The following DYNC1H1 variants were observed in gnomAD, a reference collection of about 807,000 sequenced individuals.
The protein encoded by DYNC1H1 is cytoplasmic dynein 1 heavy chain 1.
Under a neutral mutation model 527.1 loss-of-function variants are expected in DYNC1H1, and 51 were observed. The ratio of observed to expected loss-of-function variants is 0.10; its 90% CI spans 0.08 to 0.12. DYNC1H1 has a LOEUF of 0.12. Ranked by LOEUF, DYNC1H1 falls within the 10% of genes least tolerant of loss-of-function variation. The probability of loss-of-function intolerance (pLI) is 1.00; values close to 1 mark genes in which losing one functional copy is unlikely to be tolerated. For synonymous variants in DYNC1H1, 2,189 were observed against 2,278.8 expected (o/e 0.96, Z 1.12); for missense variants, 2,771 against 5,971.8 (o/e 0.46, Z 17.66).
At chr14:102,028,772 C>G (rs867958222) in intron 48 of DYNC1H1, 1 of 163,624 alleles carries the variant, frequency 6.1e-6, no homozygotes, top group Non-Finnish European at 1.4e-5. Flanking sequence ...AATCAGCACG[C>G]TTTCTCTTTA....
At chr14:101,970,371 G>GA (rs1457532358) in intron 1 of DYNC1H1, among the ~76,000 whole-genome samples, 1 of 148,162 alleles carries the variant, frequency 6.7e-6, no homozygotes, top group African/African-American at 2.5e-5. Flanking sequence ...CCAGAGACAA[G>GA]AAAGGGGAAA....
In DYNC1H1 at chr14:102,036,468, C is replaced by T. The variant is rs201995820; in HGVS notation, c.10755-21C>T. ...TCCCCATTCGGTGTTTCAACCTTCT[C>T]TTCTGTGGCCTCATCCTCAGGTATC... On this transcript the variant is annotated intron_variant, in intron 56 of 77. Transcript: ENST00000360184. This position sits in a 1 kb window ranked among gnomAD's most constrained non-coding sequence, Gnocchi z 5.6. 1.9e-6 allele frequency: 3 copies of T among 1,613,054 alleles called. No individual in the cohort carries two copies. Among genetic ancestry groups the T allele is most frequent in the African/African-American group, 2.7e-5 (2 of 75,024 alleles).
At chr14:102,046,220 A>G (rs138025869) in intron 72 of DYNC1H1, among the ~76,000 whole-genome samples, 1 of 151,976 alleles carries the variant, frequency 6.6e-6, no homozygotes, top group African/African-American at 2.4e-5. Context: ...GGCGCACTCT[A>G]TCAGGACAGG....
Position 102,005,763 on chromosome 14 carries a change from C to A in DYNC1H1, c.5434-125C>A. ...CTGAAAGTGAATTTGCCTTTTGGAA[C>A]ATTTACTGAAAGCCATTGTAACTGG... On this transcript the variant is annotated intron_variant, in intron 26 of 77. Transcript: ENST00000360184. The surrounding 1 kb of genome is among the most constrained non-coding windows in gnomAD (Gnocchi z 4.0). 8.2e-7 allele frequency: 1 copy of A among 1,222,720 alleles called. No homozygotes were observed. The highest frequency in any genetic ancestry group is 1.2e-6 in the Non-Finnish European group (1 of 839,842). 75.7% of individuals were successfully genotyped at this position (1,222,720 alleles called of 1,614,324 possible). A position where few individuals can be genotyped will look rare whatever the true frequency, so the allele number is the denominator to read the frequency against.
rs375407180 is a variant in DYNC1H1, at chr14:101,994,896, C to T, written c.3333+47C>T. 5 of 1,613,770 alleles carry T rather than the reference C, an allele frequency of 3.1e-6. No individual in the cohort carries two copies. The African/African-American group carries it at 6.7e-5, about 22-fold the overall frequency. On this transcript the variant is annotated intron_variant, in intron 13 of 77. Transcript: ENST00000360184. Reference sequence around the variant, plus strand: ...AAAGGTGTCACGGGTAGTGTAAAAGCAACATTTCTGTTAGACTGATATTCA... The same window carrying T: ...AAAGGTGTCACGGGTAGTGTAAAAGTAACATTTCTGTTAGACTGATATTCA...
chr14:101,973,836 G>A (rs190513454), intron 1 of DYNC1H1, among the ~76,000 whole-genome samples: 1 of 152,196 alleles, frequency 6.6e-6, no homozygotes, highest in Admixed American at 6.5e-5. Flanking sequence ...AAAATAAAAT[G>A]CTTACAGAAG....
Position 102,049,200 on chromosome 14 carries a change from T to G in DYNC1H1, c.13373-240T>G, listed in dbSNP as rs2048770003. 1.7e-6 allele frequency: 1 copy of G among 588,282 alleles called. No homozygotes were observed. The highest frequency in any genetic ancestry group is 3.0e-6 in the Non-Finnish European group (1 of 330,520). 36.4% of individuals were successfully genotyped at this position (588,282 alleles called of 1,614,324 possible). ...TTATGGTCCTCCAGAAAGACACACCTGGACTAATTTGACCCTAGAAACTGC... is the reference window on the plus strand; with the variant it reads ...TTATGGTCCTCCAGAAAGACACACCGGGACTAATTTGACCCTAGAAACTGC... On this transcript the variant is annotated intron_variant, in intron 74 of 77. Transcript: ENST00000360184. This position sits in a 1 kb window ranked among gnomAD's most constrained non-coding sequence, Gnocchi z 5.5.
Position 102,005,435 on chromosome 14 carries a change from G to A in DYNC1H1, c.5433+199G>A, listed in dbSNP as rs1198709614. On this transcript the variant is annotated intron_variant, in intron 26 of 77. Transcript: ENST00000360184. The surrounding 1 kb of genome is among the most constrained non-coding windows in gnomAD (Gnocchi z 4.0). Reference sequence around the variant, plus strand: ...AATCTCAGGGGCATGCAGGGGTTACGCGACATCACGGTAGAGAGGAAGGGA... The same window carrying A: ...AATCTCAGGGGCATGCAGGGGTTACACGACATCACGGTAGAGAGGAAGGGA... Among the ~76,000 whole-genome samples, 1 of 152,202 alleles carries A rather than the reference G, an allele frequency of 6.6e-6. No individual in the cohort carries two copies. Among genetic ancestry groups the A allele is most frequent in the Non-Finnish European group, 1.5e-5 (1 of 68,044 alleles).
chr14:102,044,918 TCTC>T lies in DYNC1H1; in HGVS notation c.13006+221_13006+223del. The T allele has an allele frequency of 1.7e-6, 1 of 599,390 alleles. No individual in the cohort carries two copies. The highest frequency in any genetic ancestry group is 3.0e-6 in the Non-Finnish European group (1 of 336,762). 37.1% of individuals were successfully genotyped at this position (599,390 alleles called of 1,614,324 possible). On this transcript the variant is annotated intron_variant, in intron 72 of 77. Transcript: ENST00000360184. This position sits in a 1 kb window ranked among gnomAD's most constrained non-coding sequence, Gnocchi z 7.1. ...GGAGGCAGAGGAAAGAACTGGCTCTTCTCTGCAGCATCAACTCAGTTCTAGAGA... is the reference window on the plus strand; with the variant it reads ...GGAGGCAGAGGAAAGAACTGGCTCTTTGCAGCATCAACTCAGTTCTAGAGA...
At chr14:102,043,478 C>T in intron 69 of DYNC1H1, 1 of 331,598 alleles carries the variant, frequency 3.0e-6, no homozygotes, top group Admixed American at 4.5e-5. Flanking sequence ...GCAATCTCCT[C>T]TCCCCCAGCA....
At position 101,970,774 on chromosome 14, in the gene DYNC1H1, T is replaced by C. The variant is rs146478671; in HGVS notation, c.257-4938T>C. Among the ~76,000 whole-genome samples, 836 of 152,230 alleles carry C rather than the reference T, an allele frequency of 5.5e-3. 17 individuals are homozygous for C. Among genetic ancestry groups the C allele is most frequent in the East Asian group, 0.037 (189 of 5,164 alleles). On this transcript the variant is annotated intron_variant, in intron 1 of 77. Transcript: ENST00000360184. ...CTGGGACTGCAGGCGTGAGCCACTGTGCCCAGCCCATGTTTGGGATTTTAA... is the reference window on the plus strand; with the variant it reads ...CTGGGACTGCAGGCGTGAGCCACTGCGCCCAGCCCATGTTTGGGATTTTAA...
rs566253677 is a variant in DYNC1H1 at position 102,050,520 on chromosome 14, G to A, written c.13898G>A (p.Arg4633His). ...DFEIATKEDPRSFYERGVAVL... is the reference protein window; with the variant it reads ...DFEIATKEDPHSFYERGVAVL... ...GAAATTGCTACAAAGGAGGATCCTCGCAGCTTCTACGAGCGGGGTGTCGCA... is the reference window on the plus strand; with the variant it reads ...GAAATTGCTACAAAGGAGGATCCTCACAGCTTCTACGAGCGGGGTGTCGCA... Residue 4633 changes from arginine (R) to histidine (H), a missense_variant, in exon 78 of 78, where the codon CGC becomes CAC. Arg to His is a conservative substitution (Grantham distance 29). Coordinates refer to ENST00000360184, the MANE Select transcript of DYNC1H1 (RefSeq NM_001376.5). The A allele has an allele frequency of 7.4e-6, 12 of 1,614,186 alleles. No individual in the cohort carries two copies. Among genetic ancestry groups the A allele is most frequent in the Admixed American group, 1.7e-5 (1 of 60,030 alleles).
Position 102,022,819 on chromosome 14 carries a change from C to T in DYNC1H1, c.8576C>T (p.Pro2859Leu), listed in dbSNP as rs1273252656. The change falls in exon 43 of 78, where the codon CCT becomes CTT. Residue 2859 changes from proline to leucine, a missense_variant. Physicochemically the swap from Pro to Leu is moderately conservative, Grantham distance 98. Coordinates refer to ENST00000360184, the MANE Select transcript of DYNC1H1 (RefSeq NM_001376.5). ...GACACGGTTGCTCTGAAGCACTTCC[C>T]TAACATCGACAGAGAGAAGGCAATG... ...NIDTVALKHF[P>L]NIDREKAMSR... 1.2e-6 allele frequency: 2 copies of T among 1,614,224 alleles called. No homozygotes were observed. The highest frequency in any genetic ancestry group is 1.7e-6 in the Non-Finnish European group (2 of 1,180,040).
rs7148324 is a variant in DYNC1H1, at chr14:102,018,228, T to C, written c.8178-223T>C. On this transcript the variant is annotated intron_variant, in intron 40 of 77. Coordinates refer to ENST00000360184, the MANE Select transcript of DYNC1H1 (RefSeq NM_001376.5). The surrounding 1 kb of genome is among the most constrained non-coding windows in gnomAD (Gnocchi z 5.2). ...GAAATAAGCCTTGGTTATTTTTTCATCTTTGCTGGTTTTTCAAGTGTTTTC... is the reference window on the plus strand; with the variant it reads ...GAAATAAGCCTTGGTTATTTTTTCACCTTTGCTGGTTTTTCAAGTGTTTTC... 0.15 allele frequency among the ~76,000 whole-genome samples: 22,837 copies of C among 152,234 alleles called. 1,941 individuals are homozygous for C. Among genetic ancestry groups the C allele is most frequent in the East Asian group, 0.24 (1,239 of 5,180 alleles).
In DYNC1H1 at chr14:102,044,696, A is replaced by G; in HGVS notation, c.13004A>G (p.Gln4335Arg). The G allele has an allele frequency of 3.1e-6, 5 of 1,613,518 alleles. No individual in the cohort carries two copies. Among genetic ancestry groups the G allele is most frequent in the Non-Finnish European group, 4.2e-6 (5 of 1,179,944 alleles). ...NNAERVLLTT[Q>R]GVDMISKMLK... is the part of the protein sequence containing the mutation. ...GCCGAGAGAGTCCTCCTTACCACAC[A>G]GGGTAGGCAACAAGGATCCTCCCCA... The change falls in exon 72 of 78, where the codon CAG becomes CGG. Residue 4335 changes from glutamine to arginine, a missense_variant and splice_region_variant. By Grantham distance (43) the Gln-to-Arg change is conservative (BLOSUM62 1). This residue lies in a region of DYNC1H1 where 170 missense variants were observed against 249.8 expected (regional missense o/e 0.68). Coordinates refer to ENST00000360184, the MANE Select transcript of DYNC1H1 (RefSeq NM_001376.5). The surrounding 1 kb of genome is among the most constrained non-coding windows in gnomAD (Gnocchi z 7.1).
In DYNC1H1 at chr14:102,029,285, A is replaced by G; in HGVS notation, c.9469-254A>G. On this transcript the variant is annotated intron_variant, in intron 48 of 77. Transcript: ENST00000360184. This position sits in a 1 kb window ranked among gnomAD's most constrained non-coding sequence, Gnocchi z 5.3. ...ACTGACATTTGTGATGCCTTTTCAC[A>G]TAAGTACACCTCTAAAGTTGGTGTA... The G allele has an allele frequency of 1.9e-6, 1 of 538,062 alleles. No individual in the cohort carries two copies. The highest frequency in any genetic ancestry group is 3.3e-6 in the Non-Finnish European group (1 of 298,852). The allele number at this position is 538,062 out of a possible 1,614,324, so 33.3% of individuals were successfully genotyped here.
rs1311125353 is a variant in DYNC1H1, at chr14:102,012,541, G to A, written c.7014+71G>A. ...CAACTAAACTTCGTGTGCTAGCTAA[G>A]TGCAGCTCTGGAGTCATGGACCCAG... On this transcript the variant is annotated intron_variant, in intron 34 of 77. Coordinates refer to ENST00000360184, the MANE Select transcript of DYNC1H1 (RefSeq NM_001376.5). The surrounding 1 kb of genome is among the most constrained non-coding windows in gnomAD (Gnocchi z 4.9). 2 of 1,602,550 alleles carry A rather than the reference G, an allele frequency of 1.2e-6. No homozygotes were observed. The highest frequency in any genetic ancestry group is 1.1e-5 in the South Asian group (1 of 90,762).
chr14:102,049,423 G>A lies in DYNC1H1; in HGVS notation c.13373-17G>A, dbSNP rs1436871954. The A allele has an allele frequency of 6.2e-7, 1 of 1,613,802 alleles. No homozygotes were observed. The highest frequency in any genetic ancestry group is 2.2e-5 in the East Asian group (1 of 44,884). ...TGTGAGAGCTGACACCCTGGGCTCTGTGTGCCTTGGCTGCAGGGATCTTGC... is the reference window on the plus strand; with the variant it reads ...TGTGAGAGCTGACACCCTGGGCTCTATGTGCCTTGGCTGCAGGGATCTTGC... On this transcript the variant is annotated splice_polypyrimidine_tract_variant and intron_variant, in intron 74 of 77. Transcript: ENST00000360184. The surrounding 1 kb of genome is among the most constrained non-coding windows in gnomAD (Gnocchi z 5.5).
rs1567007586 is a variant in DYNC1H1, at chr14:102,004,069, G to GAT, written c.4884-449_4884-448insAT. Among the ~76,000 whole-genome samples, 10 of 151,764 alleles carry GAT rather than the reference G, an allele frequency of 6.6e-5. No individual in the cohort carries two copies. The East Asian group carries it at 1.8e-3, about 27-fold the overall frequency. ...ATCCTGGCTAACATGGTGAAACCCC[G>GAT]TCTCTACTAAAAATACAAAAAAAAA... is the stretch of plus-strand genomic sequence containing the variant. On this transcript the variant is annotated intron_variant, in intron 23 of 77. Transcript: ENST00000360184.
Sources: gnomAD v4.1 joint callset for allele counts (sites outside exome capture counted in the v4.1 genomes callset) on GRCh38, gnomAD v4.1.1 for gene constraint, gnomAD v4.1.1 regional missense constraint, Gnocchi (gnomAD v3.1) non-coding constraint, MANE v1.5 for transcripts, NCBI Gene and HGNC (gene_info 2026-07-23, HGNC 2026-07-21) for gene names.